The following RPA1 variants were observed in gnomAD, a reference collection of about 807,000 sequenced individuals.
The protein encoded by RPA1 is replication protein A 70 kDa DNA-binding subunit.
RPA1 carries 49 observed loss-of-function variants against 83.0 expected under a neutral mutation model. That is an observed-to-expected ratio of 0.59 (90% CI 0.47 to 0.75). RPA1 has a LOEUF of 0.75. RPA1 is among the 30% of genes least tolerant of loss of function. RPA1 has a pLI of 0.00. For missense variants in RPA1, 693 were observed against 776.1 expected (o/e 0.89, Z 1.27); for synonymous variants, 279 against 281.8 (o/e 0.99, Z 0.10).
intron 12 of RPA1, among the ~76,000 whole-genome samples, chr17:1,882,736 C>T (rs1409435264): frequency 6.6e-6 from 1 of 152,172 alleles, no homozygotes; most frequent in Non-Finnish European, 1.5e-5. Flanking sequence ...TTTGCTACCA[C>T]GGTATATTGG....
rs1914573963 is a variant in RPA1 at position 1,899,593 on chromosome 17, G to T, written c.*2418G>T. 6.6e-6 allele frequency: 1 copy of T among 152,108 alleles called. No individual in the cohort carries two copies. The highest frequency in any genetic ancestry group is 2.4e-5 in the African/African-American group (1 of 41,402). The allele number at this position is 152,108 out of a possible 1,614,324, so 9.4% of individuals were successfully genotyped here. On this transcript the variant is annotated 3_prime_UTR_variant, in exon 17 of 17. Coordinates refer to ENST00000254719, the MANE Select transcript of RPA1 (RefSeq NM_002945.5). The stretch of plus-strand genomic sequence containing the variant: ...TTTTTTGAACTGCAGGGTCAAAAAT[G>T]TTCCCCTCCCCCACTTCTGTTTCCT...
intron 12 of RPA1, among the ~76,000 whole-genome samples, chr17:1,883,109 C>G (rs1005530098): frequency 6.6e-6 from 1 of 152,102 alleles, no homozygotes; most frequent in African/African-American, 2.4e-5. Context: ...TTGTCTGAGT[C>G]CAGGAGTTTG....
chr17:1,871,298 T>A (rs12150513), intron 5 of RPA1, among the ~76,000 whole-genome samples: 1 of 152,088 alleles, frequency 6.6e-6, no homozygotes, highest in Admixed American at 6.5e-5. Context: ...TTTATTTTAC[T>A]CTAATGGCAC....
At chr17:1,855,543 A>G (rs1049781429) in intron 5 of RPA1, among the ~76,000 whole-genome samples, 14 of 152,084 alleles carry the variant, frequency 9.2e-5, no homozygotes, top group African/African-American at 3.4e-4. Flanking sequence ...GTCATGATGT[A>G]TTATTCTTTT....
At chr17:1,862,757 T>C (rs1188943492) in intron 5 of RPA1, among the ~76,000 whole-genome samples, 4 of 144,860 alleles carry the variant, frequency 2.8e-5, no homozygotes, top group South Asian at 4.3e-4. Flanking sequence ...AGTTTTGCTT[T>C]GTTGCCCAGG....
intron 8 of RPA1, among the ~76,000 whole-genome samples, chr17:1,878,066 A>G (rs1597450085): frequency 6.6e-6 from 1 of 152,146 alleles, no homozygotes. Flanking sequence ...CCCCGTTTAT[A>G]CTAAAAATAC....
chr17:1,887,203 G>C (rs1382744246), intron 13 of RPA1, among the ~76,000 whole-genome samples: 1 of 152,082 alleles, frequency 6.6e-6, no homozygotes, highest in East Asian at 1.9e-4. Flanking sequence ...ATCAATATAA[G>C]TTCCCCATCT....
At chr17:1,877,889 A>T (rs1238496173) in intron 8 of RPA1, among the ~76,000 whole-genome samples, 2 of 152,364 alleles carry the variant, frequency 1.3e-5, no homozygotes, top group East Asian at 3.9e-4. Context: ...ATGCCATGGA[A>T]GTACGACAGT....
At chr17:1,893,077 T>C (rs1377233377) in intron 15 of RPA1, among the ~76,000 whole-genome samples, 1 of 152,252 alleles carries the variant, frequency 6.6e-6, no homozygotes, top group African/African-American at 2.4e-5. Flanking sequence ...TTCTGTCTGT[T>C]TGGGCTCTGC....
chr17:1,866,385 G>A (rs974779689), intron 5 of RPA1, among the ~76,000 whole-genome samples: 1 of 151,998 alleles, frequency 6.6e-6, no homozygotes. Context: ...CGCAATCTCG[G>A]CTCAGTGCAA....
chr17:1,835,534 G>A (rs922027728), intron 1 of RPA1, among the ~76,000 whole-genome samples: 2 of 152,000 alleles, frequency 1.3e-5, no homozygotes, highest in African/African-American at 4.8e-5. Flanking sequence ...TCTTTCATAA[G>A]TGATCTCATC....
chr17:1,860,289 C>T (rs559902413), intron 5 of RPA1, among the ~76,000 whole-genome samples: 26 of 151,602 alleles, frequency 1.7e-4, no homozygotes, highest in Non-Finnish European at 3.1e-4. Context: ...GGGGCTGGGA[C>T]GGCAGTGCCA....
At chr17:1,841,709 A>C (rs7503251) in intron 1 of RPA1, among the ~76,000 whole-genome samples, 1 of 152,106 alleles carries the variant, frequency 6.6e-6, no homozygotes, top group African/African-American at 2.4e-5. Context: ...CCTTATTCCC[A>C]ATCTTAGTAG....
In RPA1 at chr17:1,850,882, ACT is replaced by A. The variant is rs200401239; in HGVS notation, c.273-2209_273-2208del. Among the ~76,000 whole-genome samples, 1,478 of 150,880 alleles carry A rather than the reference ACT, an allele frequency of 9.8e-3. 33 individuals carry two copies. The highest frequency in any genetic ancestry group is 0.034 in the African/African-American group (1,385 of 41,042). On this transcript the variant is annotated intron_variant, in intron 4 of 16. Transcript: ENST00000254719. ...GCTCCAGCCTGGGTGACAGAGTGAG[ACT>A]CTCTCTCTCAAAAAAAAAAATAAGA...
rs1196499286 is a variant in RPA1 at position 1,889,235 on chromosome 17, G to A, written c.1551+384G>A. On this transcript the variant is annotated intron_variant, in intron 14 of 16. Transcript: ENST00000254719. ...ATAGCTGACTTCAGAGGAATGTGAC[G>A]GTGTGCTGATGTGAGATTGTTGCTT... 2.6e-5 allele frequency among the ~76,000 whole-genome samples: 4 copies of A among 152,030 alleles called. No individual in the cohort carries two copies. In the East Asian group the frequency reaches 5.8e-4, roughly 22 times the overall value.
chr17:1,891,688 G>A lies in RPA1; in HGVS notation c.1552-145G>A, dbSNP rs879541350. The A allele has an allele frequency of 3.5e-4, 187 of 526,926 alleles. 1 individual carries two copies. The highest frequency in any genetic ancestry group is 6.7e-4 in the South Asian group (21 of 31,398). 32.6% of individuals were successfully genotyped at this position (526,926 alleles called of 1,614,324 possible). On this transcript the variant is annotated intron_variant, in intron 14 of 16. Coordinates refer to ENST00000254719, the MANE Select transcript of RPA1 (RefSeq NM_002945.5). Reference sequence around the variant, plus strand: ...ACCCGCCTTGGCCTCCCAAAGTGCTGGGATGACAGGCATGAGCCCACTGCA... The same window carrying A: ...ACCCGCCTTGGCCTCCCAAAGTGCTAGGATGACAGGCATGAGCCCACTGCA...
intron 1 of RPA1, among the ~76,000 whole-genome samples, chr17:1,838,599 G>C (rs1911912778): frequency 8.9e-6 from 1 of 112,818 alleles, no homozygotes; most frequent in Non-Finnish European, 1.7e-5. Context: ...GTGAAACTCA[G>C]TCTCAAAAAA....
chr17:1,859,539 T>C (rs1284987504), intron 5 of RPA1, among the ~76,000 whole-genome samples: 1 of 152,232 alleles, frequency 6.6e-6, no homozygotes, highest in Non-Finnish European at 1.5e-5. Flanking sequence ...TTGACTCTTA[T>C]TATTATGAAA....
At chr17:1,844,132 A>G in intron 3 of RPA1, 134 bp downstream of exon 3, 1 of 671,694 alleles carries the variant, frequency 1.5e-6, no homozygotes. Flanking sequence ...TTCAGACAGA[A>G]TTGCAGCTGT....
Sources: gnomAD v4.1 joint callset for allele counts (sites outside exome capture counted in the v4.1 genomes callset) on GRCh38, gnomAD v4.1.1 for gene constraint, MANE v1.5 for transcripts, NCBI Gene and HGNC (gene_info 2026-07-23, HGNC 2026-07-21) for gene names.